PUM1: variants seen among roughly 807,000 people sequenced by gnomAD.
PUM1 encodes pumilio homolog 1.
PUM1 carries 13 observed loss-of-function variants against 131.8 expected under a neutral mutation model. The observed-to-expected ratio is 0.10, with a 90% confidence interval of 0.06 to 0.16. PUM1 has a LOEUF of 0.16. PUM1 is among the 10% of genes least tolerant of loss of function. The pLI is 1.00. For missense variants in PUM1, 961 were observed against 1,512.4 expected, an observed-to-expected ratio of 0.64 and a Z score of 6.05; for synonymous variants, 509 against 556.5, an observed-to-expected ratio of 0.91 and a Z score of 1.20.
intron 1 of PUM1, chr1:31,061,872 G>A (rs1452787407): frequency 6.6e-6 from 1 of 152,208 alleles, no homozygotes; most frequent in Non-Finnish European, 1.5e-5. Flanking sequence ...AGGATCATTT[G>A]AGCCCAGGAG....
At chr1:30,950,906 C>G (rs1038939919) in intron 16 of PUM1, among the ~76,000 whole-genome samples, 4 of 152,174 alleles carry the variant, frequency 2.6e-5, no homozygotes, top group African/African-American at 9.7e-5. Context: ...CACATGGACA[C>G]ACTGTTTTGA....
chr1:30,966,262 T>A lies in PUM1; in HGVS notation c.1806A>T (p.Ala602=), dbSNP rs1321844969. ...CACCAGCTGCTCCATTTGCTGAAGC[T>A]GCGGCTGCTGCAACAGCTATGAAGA... ...SAAQAAVAAA[A]ASANGAAGGL... Residue 602 remains alanine (A), a synonymous_variant, in exon 13 of 22, where the codon GCA becomes GCT. Coordinates refer to ENST00000426105, the MANE Select transcript of PUM1 (RefSeq NM_001020658.2). 1 of 1,599,346 alleles carries A rather than the reference T, an allele frequency of 6.3e-7. No homozygotes were observed. Among genetic ancestry groups the A allele is most frequent in the African/African-American group, 1.3e-5 (1 of 74,644 alleles).
intron 2 of PUM1, among the ~76,000 whole-genome samples, chr1:31,029,786 G>C (rs960545756): frequency 6.6e-6 from 1 of 151,956 alleles, no homozygotes; most frequent in Non-Finnish European, 1.5e-5. Context: ...TTGGGCTGTG[G>C]TGGCACACAC....
chr1:30,973,971 C>T (rs1641034531), intron 10 of PUM1, among the ~76,000 whole-genome samples: 1 of 151,860 alleles, frequency 6.6e-6, no homozygotes, highest in African/African-American at 2.4e-5. Context: ...GCCTGTAATC[C>T]CAGCTACTCA....
chr1:30,956,664 T>C (rs1163243107), intron 14 of PUM1, among the ~76,000 whole-genome samples: 1 of 152,108 alleles, frequency 6.6e-6, no homozygotes, highest in African/African-American at 2.4e-5. Flanking sequence ...TTGGCAGGTA[T>C]GGGGAAAGTG....
At chr1:31,017,454 A>G (rs928317239) in intron 3 of PUM1, among the ~76,000 whole-genome samples, 1 of 152,208 alleles carries the variant, frequency 6.6e-6, no homozygotes, top group Non-Finnish European at 1.5e-5. Flanking sequence ...AACTGCTTTG[A>G]ATGTGGCCCA....
At chr1:30,953,640 G>A (rs1640037523) in intron 15 of PUM1, 74 bp downstream of exon 15, 2 of 1,504,706 alleles carry the variant, frequency 1.3e-6, no homozygotes, top group Admixed American at 1.8e-5. Flanking sequence ...TATTTAAGTA[G>A]ATACCCATCT....
intron 3 of PUM1, among the ~76,000 whole-genome samples, chr1:31,010,991 CAA>C (rs571283911): frequency 1.1e-4 from 16 of 152,206 alleles, no homozygotes; most frequent in South Asian, 6.2e-4. Flanking sequence ...TCTAGCTTTA[CAA>C]AAGACTTTTT....
At chr1:30,936,466 T>C (rs529044260) in intron 21 of PUM1, among the ~76,000 whole-genome samples, 177 bp downstream of exon 21, 4 of 151,912 alleles carry the variant, frequency 2.6e-5, no homozygotes, top group Middle Eastern at 3.4e-3. Context: ...TAAGGGAGGG[T>C]TGGCAAATGT....
At chr1:30,967,346 TA>T (rs775008317) in intron 11 of PUM1, 36 bp from the exon 12 acceptor site, 1 of 1,588,468 alleles carries the variant, frequency 6.3e-7, no homozygotes, top group Admixed American at 1.7e-5. Flanking sequence ...ATGTATATGT[TA>T]AACAAACAAG....
At chr1:31,033,454 G>A (rs963296757) in intron 2 of PUM1, among the ~76,000 whole-genome samples, 8 of 145,088 alleles carry the variant, frequency 5.5e-5, no homozygotes, top group Non-Finnish European at 1.0e-4. Context: ...CTGCAGTGGC[G>A]CAATCTCGGC....
At chr1:31,044,119 A>G (rs1643899115) in intron 2 of PUM1, among the ~76,000 whole-genome samples, 1 of 152,162 alleles carries the variant, frequency 6.6e-6, no homozygotes, top group Admixed American at 6.6e-5. Context: ...AATAAAAAGA[A>G]GGCCGGGCGC....
chr1:30,992,207 TCAGCATAGGGAC>T (rs1193936392), intron 7 of PUM1, among the ~76,000 whole-genome samples, 171 bp downstream of exon 7: 11 of 152,130 alleles, frequency 7.2e-5, no homozygotes. Flanking sequence ...GCCAGTGACC[TCAGCATAGGGAC>T]CAGCTTCATG....
At chr1:31,019,531 A>G (rs914071905) in intron 3 of PUM1, among the ~76,000 whole-genome samples, 18 of 152,218 alleles carry the variant, frequency 1.2e-4, no homozygotes, top group Non-Finnish European at 1.5e-5. Context: ...GCACATCAAA[A>G]GATATCATTC....
At chr1:31,042,742 A>G (rs983058738) in intron 2 of PUM1, among the ~76,000 whole-genome samples, 1 of 152,196 alleles carries the variant, frequency 6.6e-6, no homozygotes, top group African/African-American at 2.4e-5. Flanking sequence ...CATGTACATC[A>G]CTTTTAAGGG....
At chr1:31,014,791 A>G (rs958934552) in intron 3 of PUM1, among the ~76,000 whole-genome samples, 1 of 123,622 alleles carries the variant, frequency 8.1e-6, no homozygotes, top group Non-Finnish European at 1.6e-5. Context: ...TGTGTCTCAG[A>G]AAAAAAAAAA....
At chr1:31,056,694 T>C (rs1644249856) in intron 2 of PUM1, among the ~76,000 whole-genome samples, 1 of 138,888 alleles carries the variant, frequency 7.2e-6, no homozygotes, top group South Asian at 2.4e-4. Flanking sequence ...TGGCATGATC[T>C]CTGTTCACTG....
In PUM1 at chr1:30,967,098, C is replaced by G. The variant is rs1372695137; in HGVS notation, c.1789+69G>C. The G allele has an allele frequency of 1.1e-5, 17 of 1,572,978 alleles. No individual in the cohort carries two copies. In the Admixed American group the frequency reaches 2.9e-4, roughly 27 times the overall value. On this transcript the variant is annotated intron_variant, in intron 12 of 21. Coordinates refer to ENST00000426105, the MANE Select transcript of PUM1 (RefSeq NM_001020658.2). ...ATTGCCAAAAGTTTATTTCAACATA[C>G]TTTAAGAATCTCACTATCAGTCGCC...
At chr1:30,965,478 C>T (rs949954509) in intron 13 of PUM1, among the ~76,000 whole-genome samples, 4 of 152,198 alleles carry the variant, frequency 2.6e-5, no homozygotes, top group Non-Finnish European at 4.4e-5. Flanking sequence ...CCATACTACA[C>T]TCCTGCTTTT....
Sources: gnomAD v4.1 joint callset for allele counts (sites outside exome capture counted in the v4.1 genomes callset) on GRCh38, gnomAD v4.1.1 for gene constraint, MANE v1.5 for transcripts, NCBI Gene and HGNC (gene_info 2026-07-23, HGNC 2026-07-21) for gene names.